Variants in PHYKPL observed in about 807,000 individuals in gnomAD.
PHYKPL encodes the protein 5-phosphohydroxy-L-lysine phospho-lyase.
PHYKPL carries 42 observed loss-of-function variants against 51.3 expected under a neutral mutation model. The observed-to-expected ratio is 0.82, with a 90% CI of 0.64 to 1.06. The LOEUF is 1.06. Among genes scored for constraint, PHYKPL ranks in the 50% least tolerant of loss-of-function variants. The probability of loss-of-function intolerance (pLI) is 0.00; values close to 1 mark genes in which losing one functional copy is unlikely to be tolerated. For missense variants in PHYKPL, 655 were observed against 586.6 expected (o/e 1.12, Z -1.20); for synonymous variants, 264 against 236.0 (o/e 1.12, Z -1.09).
At chr5:178,208,457 G>A (rs559869921), downstream of PHYKPL, 7 of 152,328 alleles carry the variant, frequency 4.6e-5, no homozygotes, top group Non-Finnish European at 8.8e-5. Context: ...GAGTTTAAGT[G>A]AAACTACTGG....
Position 178,222,674 on chromosome 5 carries a change from C to T in PHYKPL, c.702-94G>A, listed in dbSNP as rs56753982. ...TCGGGGCTTTGCACCCTGGCTCTGC[C>T]AGCAGTAAGGTGGGGACCTTGGGCA... On this transcript the variant is annotated intron_variant, in intron 7 of 12. Transcript: ENST00000308158. The T allele has an allele frequency of 2.4e-3, 3,484 of 1,430,852 alleles. 77 individuals are homozygous for T. The African/African-American group carries it at 0.043, about 18-fold the overall frequency. 88.6% of individuals were successfully genotyped at this position (1,430,852 alleles called of 1,614,324 possible). A position where few individuals can be genotyped will look rare whatever the true frequency, so the allele number is the denominator to read the frequency against.
At chr5:178,223,417 T>C in intron 6 of PHYKPL, 1 of 456,256 alleles carries the variant, frequency 2.2e-6, no homozygotes. Context: ...GCCACCAGGG[T>C]GATGATGCCT....
chr5:178,213,097 C>T lies in PHYKPL; in HGVS notation c.1179G>A (p.Lys393=). The T allele has an allele frequency of 6.2e-7, 1 of 1,614,058 alleles. No individual in the cohort carries two copies. Among genetic ancestry groups the T allele is most frequent in the Non-Finnish European group, 8.5e-7 (1 of 1,179,946 alleles). The stretch of plus-strand genomic sequence containing the variant: ...CAGTGCTCAGCAAAACGTAGTTCTC[C>T]TTCAGCCTGTGAGGACAGGACACCC... The part of the protein sequence containing the change: ...EEAAYLVSRL[K]ENYVLLSTDG... The change falls in exon 11 of 13, where the codon AAG becomes AAA. Residue 393 remains lysine, a synonymous_variant. Transcript: ENST00000308158.
At chr5:178,222,987 C>T (rs1581308976) in intron 6 of PHYKPL, 53 bp from the exon 7 acceptor site, 1 of 1,564,892 alleles carries the variant, frequency 6.4e-7, no homozygotes, top group East Asian at 2.3e-5. Flanking sequence ...CAGTGACCGG[C>T]TTAGCGTGCC....
chr5:178,230,131 G>A, intron 2 of PHYKPL, 32 bp from the exon 3 acceptor site: 2 of 1,610,530 alleles, frequency 1.2e-6, no homozygotes, highest in South Asian at 2.2e-5. Flanking sequence ...CACACGGCTG[G>A]CTCCACTCAG....
At chr5:178,207,769 C>T (rs1757148559), downstream of PHYKPL, among the ~76,000 whole-genome samples, 1 of 130,970 alleles carries the variant, frequency 7.6e-6, no homozygotes, top group Admixed American at 9.1e-5. Flanking sequence ...GTAACACAAT[C>T]ATGGCTCACT....
Position 178,215,429 on chromosome 5 carries a change from A to C in PHYKPL, c.929T>G (p.Phe310Cys), listed in dbSNP as rs756690208. ...EATGVEYFNTFGGSPVSCAVG... is the reference protein window; with the variant it reads ...EATGVEYFNTCGGSPVSCAVG... ...AGCGCAGGACACTGGGCTGCCCCCAAACTGAGCCAGGGACAAAGAACATGT... is the reference window on the plus strand; with the variant it reads ...AGCGCAGGACACTGGGCTGCCCCCACACTGAGCCAGGGACAAAGAACATGT... The change falls in exon 9 of 13, where the codon TTT (phenylalanine) becomes TGT (cysteine). Residue 310 changes from phenylalanine (F) to cysteine (C), a missense_variant and splice_region_variant. By Grantham distance (205) the Phe-to-Cys change is radical (BLOSUM62 -2). Transcript: ENST00000308158. 6.2e-6 allele frequency: 10 copies of C among 1,608,830 alleles called. No individual in the cohort carries two copies. Among genetic ancestry groups the C allele is most frequent in the Non-Finnish European group, 8.5e-6 (10 of 1,177,244 alleles).
chr5:178,217,850 T>A (rs1485676580), intron 8 of PHYKPL, among the ~76,000 whole-genome samples: 1 of 131,502 alleles, frequency 7.6e-6, no homozygotes, highest in Non-Finnish European at 1.6e-5. Context: ...AGAGCGAGAC[T>A]CCGTCTCAGA....
At chr5:178,213,632 A>G (rs1171074605) in intron 10 of PHYKPL, among the ~76,000 whole-genome samples, 1 of 152,176 alleles carries the variant, frequency 6.6e-6, no homozygotes, top group African/African-American at 2.4e-5. Context: ...GCTAATAATC[A>G]CTTTTAGTCC....
chr5:178,224,774 A>C, intron 4 of PHYKPL, 45 bp from the exon 5 acceptor site: 2 of 1,493,374 alleles, frequency 1.3e-6, no homozygotes, highest in East Asian at 2.3e-5. Flanking sequence ...GGCAGCACCT[A>C]CTCCCTGGCC....
At chr5:178,224,789 C>A in intron 4 of PHYKPL, 60 bp from the exon 5 acceptor site, 2 of 1,364,196 alleles carry the variant, frequency 1.5e-6, no homozygotes, top group South Asian at 1.3e-5. Context: ...CTGGCCCAGT[C>A]TGACCATCGT....
intron 4 of PHYKPL, chr5:178,225,129 C>G: frequency 1.7e-6 from 1 of 593,512 alleles, no homozygotes; most frequent in Middle Eastern, 4.5e-4. Flanking sequence ...CTTTGAGTCT[C>G]TTACAAAGCG....
chr5:178,224,728 C>T lies in PHYKPL; in HGVS notation c.415G>A (p.Ala139Thr). The change falls in exon 5 of 13, where the codon GCG becomes ACG. Residue 139 changes from alanine to threonine, a missense_variant and splice_region_variant. By Grantham distance (58) the Ala-to-Thr change is moderately conservative. Coordinates refer to ENST00000308158, the MANE Select transcript of PHYKPL (RefSeq NM_153373.4). ...GHQDVVVLDH[A>T]YHGHLSSLID... is the part of the protein sequence containing the mutation. ...AGGGAGCTCAGGTGGCCGTGATACG[C>T]ACTGGGGAGGAGAAGGGAGGGTAGG... is the stretch of plus-strand genomic sequence containing the variant. 1.2e-6 allele frequency: 2 copies of T among 1,612,640 alleles called. No individual in the cohort carries two copies. Among genetic ancestry groups the T allele is most frequent in the South Asian group, 1.1e-5 (1 of 90,976 alleles).
intron 11 of PHYKPL, 57 bp from the exon 12 acceptor site, chr5:178,212,027 C>T (rs980452973): frequency 3.8e-6 from 6 of 1,582,224 alleles, no homozygotes; most frequent in Admixed American, 3.3e-5. Context: ...TGAAGATGCC[C>T]TGTTGACTTC....
At position 178,222,841 on chromosome 5, in the gene PHYKPL, C is replaced by T; in HGVS notation, c.701+11G>A. 1.2e-6 allele frequency: 2 copies of T among 1,613,940 alleles called. No individual in the cohort carries two copies. Among genetic ancestry groups the T allele is most frequent in the Non-Finnish European group, 1.7e-6 (2 of 1,179,862 alleles). ...TGCCCTCCCTAGAGCAGACCCCGCC[C>T]ACCTACTCACTCTGCCACTTGGGAG... On this transcript the variant is annotated intron_variant, in intron 7 of 12. Transcript: ENST00000308158.
At position 178,223,015 on chromosome 5, in the gene PHYKPL, G is replaced by C; in HGVS notation, c.619-81C>G. Reference sequence around the variant, plus strand: ...AGCGTGCCCTGCTAGTGCTGGCTTAGTCCAAGCAAGACAAGTCACCATCAG... The same window carrying C: ...AGCGTGCCCTGCTAGTGCTGGCTTACTCCAAGCAAGACAAGTCACCATCAG... On this transcript the variant is annotated intron_variant, in intron 6 of 12. Coordinates refer to ENST00000308158, the MANE Select transcript of PHYKPL (RefSeq NM_153373.4). The C allele has an allele frequency of 2.9e-6, 4 of 1,361,224 alleles. No individual in the cohort carries two copies. In the South Asian group the frequency reaches 3.7e-5, roughly 13 times the overall value. 84.3% of individuals were successfully genotyped at this position (1,361,224 alleles called of 1,614,324 possible).
chr5:178,216,386 T>C (rs979634016), intron 8 of PHYKPL: 1 of 152,200 alleles, frequency 6.6e-6, no homozygotes, highest in Non-Finnish European at 1.5e-5. Context: ...AAGGCAGTTA[T>C]AAACTCTTGG....
intron 1 of PHYKPL, chr5:178,231,970 C>T (rs1763548700): frequency 8.2e-7 from 1 of 1,226,722 alleles, no homozygotes; most frequent in Non-Finnish European, 1.0e-6. Context: ...TGGGTGCCAG[C>T]CCTAAGCTCC....
chr5:178,232,172 CTTCTCCGGAGTAA>C, intron 1 of PHYKPL: 1 of 1,227,070 alleles, frequency 8.1e-7, no homozygotes. Context: ...GGGTGAAGGT[CTTCTCCGGAGTAA>C]AGGCTGCCAA....
Sources: allele counts gnomAD v4.1 joint callset (sites outside exome capture counted in the v4.1 genomes callset), GRCh38; gene constraint gnomAD v4.1.1; transcripts MANE v1.5; gene names NCBI Gene and HGNC (gene_info 2026-07-23, HGNC 2026-07-21).